The following USH2A variants were observed in gnomAD, a reference collection of about 807,000 sequenced individuals.
USH2A encodes usherin.
USH2A carries 443 observed loss-of-function variants against 538.9 expected under a neutral mutation model. The observed-to-expected ratio is 0.82, with a 90% CI of 0.76 to 0.89. USH2A has a LOEUF of 0.89. USH2A is among the 40% of genes least tolerant of loss of function. USH2A has a pLI of 0.00. For synonymous variants in USH2A, 2,413 were observed against 2,273.5 expected (o/e 1.06, Z -1.75); for missense variants, 6,633 against 6,324.8 (o/e 1.05, Z -1.65).
chr1:216,234,458 G>A (rs2035767517), intron 13 of USH2A, among the ~76,000 whole-genome samples: 1 of 152,082 alleles, frequency 6.6e-6, no homozygotes, highest in Non-Finnish European at 1.5e-5. Context: ...AATAGAGCAT[G>A]GCCATGACAA....
chr1:215,938,760 G>A (rs1666565707), intron 37 of USH2A, among the ~76,000 whole-genome samples: 1 of 152,128 alleles, frequency 6.6e-6, no homozygotes, highest in Non-Finnish European at 1.5e-5. Context: ...TCCACCCTCT[G>A]TGGCTTGGTC....
chr1:215,755,935 T>C (rs1320712051), intron 58 of USH2A, among the ~76,000 whole-genome samples: 2 of 152,128 alleles, frequency 1.3e-5, no homozygotes, highest in Non-Finnish European at 2.9e-5. Flanking sequence ...TTGAAAGAGG[T>C]CTTGAAAATT....
chr1:216,240,510 T>C (rs2102535814), intron 13 of USH2A, among the ~76,000 whole-genome samples: 1 of 148,484 alleles, frequency 6.7e-6, no homozygotes. Context: ...TGGTAAAAAC[T>C]TCCAGGTCGT....
rs72744646 is a variant in USH2A at position 215,973,659 on chromosome 1, T to C, written c.6806-2883A>G. The stretch of plus-strand genomic sequence containing the variant: ...AAATTTACTTCTTCTTCTTCTTCTT[T>C]TTTTTTTTTTTTTTTGTCTATCTGA... On this transcript the variant is annotated intron_variant, in intron 35 of 71. Coordinates refer to ENST00000307340, the MANE Select transcript of USH2A (RefSeq NM_206933.4). Among the ~76,000 whole-genome samples the C allele has an allele frequency of 1.2e-3, 142 of 115,194 alleles. 1 individual carries two copies. The highest frequency in any genetic ancestry group is 3.4e-3 in the African/African-American group (99 of 28,708). The allele number at this position is 115,194 out of a possible 152,430, so 75.6% of individuals were successfully genotyped here.
chr1:215,818,560 A>G (rs11120646), intron 47 of USH2A, among the ~76,000 whole-genome samples: 59,484 of 151,550 alleles, frequency 0.39, 12,075 homozygotes, highest in Admixed American at 0.52. Context: ...TTCAATTTAA[A>G]CCCAAGTAGA....
chr1:216,199,778 T>G lies in USH2A; in HGVS notation c.3660A>C (p.Val1220=). The G allele has an allele frequency of 6.2e-7, 1 of 1,614,132 alleles. No individual in the cohort carries two copies. Among genetic ancestry groups the G allele is most frequent in the African/African-American group, 1.3e-5 (1 of 75,046 alleles). The change falls in exon 17 of 72, where the codon GTA becomes GTC. Residue 1220 remains valine (V), a synonymous_variant. Transcript: ENST00000307340. ...LVPFAKYDFS[V]QACTSGGCLH... is the part of the protein sequence containing the mutation. ...AACAGCCCCCGCTAGTACACGCCTG[T>G]ACAGAAAAATCGTACTTGGCAAATG...
chr1:216,420,467 G>A (rs898094488), intron 2 of USH2A, among the ~76,000 whole-genome samples: 2 of 151,936 alleles, frequency 1.3e-5, no homozygotes, highest in Non-Finnish European at 2.9e-5. Context: ...CAAACACCCC[G>A]AAATTCCCCC....
intron 38 of USH2A, chr1:215,901,122 GC>G (rs1665487770): frequency 1.7e-6 from 1 of 597,040 alleles, no homozygotes; most frequent in Non-Finnish European, 2.9e-6. Context: ...TTAAAAGCCG[GC>G]CCCCAAACAG....
chr1:216,215,616 T>C (rs2035328310), intron 15 of USH2A, among the ~76,000 whole-genome samples: 1 of 152,150 alleles, frequency 6.6e-6, no homozygotes, highest in Admixed American at 6.6e-5. Context: ...TTGCCTCTGC[T>C]GATGCTGAGC....
intron 21 of USH2A, among the ~76,000 whole-genome samples, chr1:216,121,767 T>G (rs1201698057): frequency 6.6e-6 from 1 of 152,214 alleles, no homozygotes; most frequent in African/African-American, 2.4e-5. Flanking sequence ...AACAATCAGT[T>G]AGACTATTTG....
chr1:216,282,033 G>A (rs1440622866), intron 11 of USH2A, among the ~76,000 whole-genome samples: 1 of 151,688 alleles, frequency 6.6e-6, no homozygotes, highest in Non-Finnish European at 1.5e-5. Context: ...CAGATTATTT[G>A]CGCATTTTAA....
At chr1:215,857,390 T>C (rs934598930) in intron 44 of USH2A, among the ~76,000 whole-genome samples, 1 of 152,140 alleles carries the variant, frequency 6.6e-6, no homozygotes, top group Non-Finnish European at 1.5e-5. Flanking sequence ...AGGAGAGCTT[T>C]ACTTCTCATA....
chr1:215,998,770 T>C, intron 34 of USH2A, 117 bp downstream of exon 34: 1 of 1,120,388 alleles, frequency 8.9e-7, no homozygotes, highest in Non-Finnish European at 1.3e-6. Flanking sequence ...TAAACAGCAA[T>C]ACATGAAGAT....
chr1:216,011,821 C>A (rs1668580882), intron 32 of USH2A, among the ~76,000 whole-genome samples: 1 of 152,034 alleles, frequency 6.6e-6, no homozygotes, highest in African/African-American at 2.4e-5. Context: ...CCACAATTAC[C>A]ATTGTTCCTG....
intron 58 of USH2A, among the ~76,000 whole-genome samples, chr1:215,750,233 G>A (rs1259796499): frequency 6.6e-6 from 1 of 152,036 alleles, no homozygotes; most frequent in African/African-American, 2.4e-5. Flanking sequence ...CTTTTTGGGG[G>A]AACAGAAGTA....
intron 9 of USH2A, among the ~76,000 whole-genome samples, chr1:216,298,618 A>C (rs1344683178): frequency 1.3e-5 from 2 of 152,136 alleles, no homozygotes; most frequent in African/African-American, 4.8e-5. Flanking sequence ...AGATATATGG[A>C]TAACCTGTTC....
At chr1:215,777,634 T>A (rs1012082024) in intron 55 of USH2A, among the ~76,000 whole-genome samples, 1 of 152,254 alleles carries the variant, frequency 6.6e-6, no homozygotes, top group African/African-American at 2.4e-5. Context: ...CAGTTATTTC[T>A]TTTCTTGTCA....
intron 21 of USH2A, among the ~76,000 whole-genome samples, chr1:216,103,192 G>A (rs2032635234): frequency 6.6e-6 from 1 of 152,234 alleles, no homozygotes; most frequent in South Asian, 2.1e-4. Context: ...CACAAGGCAG[G>A]CCCACTGGGG....
intron 64 of USH2A, among the ~76,000 whole-genome samples, chr1:215,654,396 T>A (rs1657177850): frequency 6.6e-6 from 1 of 152,200 alleles, no homozygotes; most frequent in Admixed American, 6.5e-5. Context: ...TGTGTCCATG[T>A]GTTCTCATAG....
Sources: allele counts gnomAD v4.1 joint callset (sites outside exome capture counted in the v4.1 genomes callset), GRCh38; gene constraint gnomAD v4.1.1; transcripts MANE v1.5; gene names NCBI Gene and HGNC (gene_info 2026-07-23, HGNC 2026-07-21).